Variants in RUNDC3B observed in about 807,000 individuals in gnomAD.
RUNDC3B encodes the protein RUN domain-containing protein 3B.
RUNDC3B carries 33 observed loss-of-function variants against 58.4 expected under a neutral mutation model. The ratio of observed to expected loss-of-function variants is 0.56; its 90% CI spans 0.43 to 0.75. The LOEUF (loss-of-function observed/expected upper bound fraction) is 0.75. RUNDC3B is among the 30% of genes least tolerant of loss of function. The pLI, the probability that RUNDC3B is intolerant of heterozygous loss-of-function variation, is 0.00. For missense variants in RUNDC3B, 501 were observed against 535.7 expected (o/e 0.94, Z 0.64); for synonymous variants, 193 against 195.2 (o/e 0.99, Z 0.10).
chr7:87,662,924 G>A (rs1381881848), intron 2 of RUNDC3B, among the ~76,000 whole-genome samples: 1 of 151,830 alleles, frequency 6.6e-6, no homozygotes, highest in Non-Finnish European at 1.5e-5. Context: ...TAAATTTCTG[G>A]CATCAGTGTT....
At chr7:87,706,596 G>A (rs942277300) in intron 3 of RUNDC3B, among the ~76,000 whole-genome samples, 13 of 152,168 alleles carry the variant, frequency 8.5e-5, no homozygotes, top group Non-Finnish European at 1.5e-5. Context: ...CCACAGTCCT[G>A]GAGAGATGGA....
At chr7:87,666,709 C>G (rs1245483534) in intron 2 of RUNDC3B, among the ~76,000 whole-genome samples, 2 of 152,148 alleles carry the variant, frequency 1.3e-5, no homozygotes, top group African/African-American at 4.8e-5. Flanking sequence ...CCACATATGG[C>G]TATCCAGTTT....
intron 9 of RUNDC3B, among the ~76,000 whole-genome samples, chr7:87,814,885 A>ATAAAAAATAAAAAAT (rs1836947360): frequency 6.6e-6 from 1 of 152,158 alleles, no homozygotes; most frequent in Non-Finnish European, 1.5e-5. Flanking sequence ...AGAGGGAAAA[A>ATAAAAAATAAAAAAT]CAAATATTTA....
chr7:87,634,225 G>A (rs1480067204), intron 1 of RUNDC3B, among the ~76,000 whole-genome samples: 1 of 152,006 alleles, frequency 6.6e-6, no homozygotes, highest in Non-Finnish European at 1.5e-5. Flanking sequence ...TTCCTGCTAG[G>A]CCCCACCTCC....
intron 2 of RUNDC3B, among the ~76,000 whole-genome samples, chr7:87,658,235 TG>T (rs1166068219): frequency 1.3e-5 from 2 of 152,102 alleles, no homozygotes; most frequent in Non-Finnish European, 2.9e-5. Context: ...AATTTGGTGC[TG>T]AAAAAATATG....
At chr7:87,781,407 G>A (rs1423724035) in intron 8 of RUNDC3B, among the ~76,000 whole-genome samples, 1 of 151,944 alleles carries the variant, frequency 6.6e-6, no homozygotes, top group Non-Finnish European at 1.5e-5. Flanking sequence ...GGTTTTCTAG[G>A]TATATAATTA....
At chr7:87,722,687 T>C (rs1830974710) in intron 4 of RUNDC3B, among the ~76,000 whole-genome samples, 1 of 152,176 alleles carries the variant, frequency 6.6e-6, no homozygotes, top group South Asian at 2.1e-4. Context: ...TAAGCAGTAA[T>C]GAACCTTCAG....
rs186305965 is a variant in RUNDC3B, at chr7:87,732,664, C to T, written c.459-7127C>T. Among the ~76,000 whole-genome samples, 309 of 152,174 alleles carry T rather than the reference C, an allele frequency of 2.0e-3. 2 individuals are homozygous for T. Among genetic ancestry groups the T allele is most frequent in the South Asian group, 0.017 (84 of 4,816 alleles). The stretch of plus-strand genomic sequence containing the variant: ...CAGGGGGGTCACTGCCTTCTGGTCC[C>T]GTGGTGCCAACAATGCACTAGATAT... On this transcript the variant is annotated intron_variant, in intron 4 of 10. Transcript: ENST00000394654.
chr7:87,704,312 A>G (rs1585152008), intron 3 of RUNDC3B, among the ~76,000 whole-genome samples: 1 of 152,310 alleles, frequency 6.6e-6, no homozygotes, highest in African/African-American at 2.4e-5. Flanking sequence ...GATTAGCTGT[A>G]ATTTGAATGA....
rs190367745 is a variant in RUNDC3B, at chr7:87,686,918, C to T, written c.239-13503C>T. The stretch of plus-strand genomic sequence containing the variant: ...CCATGATTGTGCCACTCCACTCCAG[C>T]CTGGACAACAGAGGGAGACTCTATC... On this transcript the variant is annotated intron_variant, in intron 2 of 10. Coordinates refer to ENST00000394654, the MANE Select transcript of RUNDC3B (RefSeq NM_001134405.2). Among the ~76,000 whole-genome samples the T allele has an allele frequency of 1.1e-3, 169 of 150,370 alleles. 1 individual carries two copies. The highest frequency in any genetic ancestry group is 1.8e-3 in the Non-Finnish European group (123 of 67,674).
chr7:87,731,218 T>C (rs1332725795), intron 4 of RUNDC3B, among the ~76,000 whole-genome samples: 2 of 151,832 alleles, frequency 1.3e-5, no homozygotes, highest in Admixed American at 6.6e-5. Context: ...CAGGAAAATA[T>C]GATCTCACCG....
chr7:87,728,731 A>G (rs986121370), intron 4 of RUNDC3B, among the ~76,000 whole-genome samples: 1 of 152,232 alleles, frequency 6.6e-6, no homozygotes, highest in South Asian at 2.1e-4. Context: ...TTTCAGTAGC[A>G]TATTTACAAG....
chr7:87,683,430 T>C (rs928546708), intron 2 of RUNDC3B, among the ~76,000 whole-genome samples: 5 of 152,328 alleles, frequency 3.3e-5, no homozygotes, highest in South Asian at 2.1e-4. Context: ...ATTAATCGTG[T>C]ACAGCTTTTG....
intron 2 of RUNDC3B, among the ~76,000 whole-genome samples, chr7:87,694,734 T>G (rs996851725): frequency 6.6e-6 from 1 of 152,150 alleles, no homozygotes; most frequent in African/African-American, 2.4e-5. Context: ...ACTTTAAGCC[T>G]TATGTTAATA....
intron 4 of RUNDC3B, among the ~76,000 whole-genome samples, chr7:87,736,533 A>T (rs1482120488): frequency 6.6e-6 from 1 of 151,850 alleles, no homozygotes; most frequent in Non-Finnish European, 1.5e-5. Flanking sequence ...TAATCAACAT[A>T]TAAATACTTG....
chr7:87,630,718 A>G (rs1380456584), intron 1 of RUNDC3B, among the ~76,000 whole-genome samples: 3 of 150,258 alleles, frequency 2.0e-5, no homozygotes, highest in Admixed American at 2.0e-4. Context: ...AATTCTCAGT[A>G]TAGCATCTAA....
chr7:87,641,217 A>G (rs980458891), intron 1 of RUNDC3B, among the ~76,000 whole-genome samples: 2 of 152,232 alleles, frequency 1.3e-5, no homozygotes, highest in East Asian at 1.9e-4. Context: ...CATAGTATAC[A>G]GTAGAAATAG....
chr7:87,805,496 G>C (rs1283636900), intron 8 of RUNDC3B, among the ~76,000 whole-genome samples: 1 of 152,108 alleles, frequency 6.6e-6, no homozygotes, highest in Non-Finnish European at 1.5e-5. Flanking sequence ...GCTGCTCATA[G>C]AAAACATCAT....
intron 8 of RUNDC3B, among the ~76,000 whole-genome samples, chr7:87,799,600 T>C (rs2130920978): frequency 6.6e-6 from 1 of 152,184 alleles, no homozygotes; most frequent in Non-Finnish European, 1.5e-5. Flanking sequence ...TCTTAAGAAT[T>C]ACACAAGGCC....
Sources: gnomAD v4.1 joint callset for allele counts (sites outside exome capture counted in the v4.1 genomes callset) on GRCh38, gnomAD v4.1.1 for gene constraint, MANE v1.5 for transcripts, NCBI Gene and HGNC (gene_info 2026-07-23, HGNC 2026-07-21) for gene names.